CCDC6: variants seen among roughly 807,000 people sequenced by gnomAD.
CCDC6 encodes the protein coiled-coil domain containing 6.
A neutral mutation model predicts 56.6 loss-of-function variants in CCDC6; 20 were observed. That is an observed-to-expected ratio of 0.35 (90% CI 0.25 to 0.51). CCDC6 has a LOEUF of 0.51. CCDC6 is among the 20% of genes least tolerant of loss of function. The probability of loss-of-function intolerance (pLI) is 0.95; values close to 1 mark genes in which losing one functional copy is unlikely to be tolerated. For missense variants in CCDC6, 367 were observed against 601.1 expected (o/e 0.61, Z 4.07); for synonymous variants, 241 against 234.4 (o/e 1.03, Z -0.26).
chr10:59,810,246 T>A (rs974985618), intron 5 of CCDC6, among the ~76,000 whole-genome samples: 3 of 152,180 alleles, frequency 2.0e-5, no homozygotes, highest in African/African-American at 7.2e-5. Flanking sequence ...GAATGGATGA[T>A]GAAAAGTCAC....
chr10:59,817,236 A>G (rs376567109), intron 3 of CCDC6, among the ~76,000 whole-genome samples: 1 of 152,234 alleles, frequency 6.6e-6, no homozygotes, highest in East Asian at 1.9e-4. Flanking sequence ...GCTGGAGTGC[A>G]GTGGCACGAT....
At chr10:59,847,677 T>A (rs947655353) in intron 2 of CCDC6, among the ~76,000 whole-genome samples, 2 of 152,072 alleles carry the variant, frequency 1.3e-5, no homozygotes, top group Non-Finnish European at 2.9e-5. Context: ...TTTCAAGAAA[T>A]AAGATGTTTT....
chr10:59,793,725 A>C lies in CCDC6; in HGVS notation c.1231-614T>G, dbSNP rs559416126. On this transcript the variant is annotated intron_variant, in intron 8 of 8. Transcript: ENST00000263102. ...CTTGAGCTCCGGAGGCGGATGTTGC[A>C]GTGAGCAGACATCATGCTGCTGAAC... Among the ~76,000 whole-genome samples the C allele has an allele frequency of 4.6e-5, 7 of 151,374 alleles. No individual in the cohort carries two copies. In the South Asian group the frequency reaches 1.0e-3, roughly 22 times the overall value.
intron 1 of CCDC6, among the ~76,000 whole-genome samples, chr10:59,866,664 G>A (rs997561761): frequency 7.9e-5 from 12 of 152,128 alleles, no homozygotes; most frequent in Non-Finnish European, 1.8e-4. Context: ...CAAGCAACCT[G>A]CCTGAGGATC....
intron 1 of CCDC6, among the ~76,000 whole-genome samples, chr10:59,853,099 G>C (rs1309894284): frequency 6.7e-6 from 1 of 150,372 alleles, no homozygotes; most frequent in Non-Finnish European, 1.5e-5. Context: ...CTCACAGGTT[G>C]CTACATCTCC....
chr10:59,882,473 CAG>C (rs141813196), intron 1 of CCDC6, among the ~76,000 whole-genome samples: 2,007 of 7,230 alleles, frequency 0.28, 623 homozygotes, highest in East Asian at 0.53. Flanking sequence ...AAAGGAAAGC[CAG>C]GGGGAGAAGG....
Position 59,790,210 on chromosome 10 carries a change from T to A in CCDC6, c.*2707A>T, listed in dbSNP as rs914089871. ...TCTGGCAACAGAGTACTTATCCTAT[T>A]AGCAGCACAGTGGTAGCCAAGGGTC... On this transcript the variant is annotated 3_prime_UTR_variant, in exon 9 of 9. Transcript: ENST00000263102. The A allele has an allele frequency of 4.6e-6, 1 of 216,876 alleles. No individual in the cohort carries two copies. The highest frequency in any genetic ancestry group is 2.3e-5 in the African/African-American group (1 of 44,386). 13.4% of individuals were successfully genotyped at this position (216,876 alleles called of 1,614,324 possible). A position where few individuals can be genotyped will look rare whatever the true frequency, so the allele number is the denominator to read the frequency against.
chr10:59,832,765 C>A (rs1265717003), intron 2 of CCDC6, 112 bp from the exon 3 acceptor site: 24 of 1,163,000 alleles, frequency 2.1e-5, no homozygotes, highest in Non-Finnish European at 2.7e-5. Flanking sequence ...GTTACATTAC[C>A]CATTTTTGCT....
At chr10:59,828,118 G>A (rs1469949772) in intron 3 of CCDC6, among the ~76,000 whole-genome samples, 1 of 152,194 alleles carries the variant, frequency 6.6e-6, no homozygotes, top group Non-Finnish European at 1.5e-5. Flanking sequence ...TTCAGAATAA[G>A]ATTTCTTGAC....
chr10:59,794,945 T>G (rs1406728256), intron 7 of CCDC6, among the ~76,000 whole-genome samples: 1 of 152,104 alleles, frequency 6.6e-6, no homozygotes, highest in Non-Finnish European at 1.5e-5. Flanking sequence ...TCTCTTACAC[T>G]ATATACAAAA....
At chr10:59,874,857 TC>T (rs1159552851) in intron 1 of CCDC6, among the ~76,000 whole-genome samples, 3 of 152,198 alleles carry the variant, frequency 2.0e-5, no homozygotes, top group African/African-American at 7.2e-5. Flanking sequence ...TGGACTCTCC[TC>T]TGGGACTTCC....
chr10:59,836,688 TAA>T (rs1270654458), intron 2 of CCDC6, among the ~76,000 whole-genome samples: 1 of 152,246 alleles, frequency 6.6e-6, no homozygotes, highest in Non-Finnish European at 1.5e-5. Flanking sequence ...ATTTTTTATA[TAA>T]AGTCAATCTC....
In CCDC6 at chr10:59,794,524, G is replaced by A. The variant is rs767350114; in HGVS notation, c.1179C>T (p.Tyr393=). Residue 393 remains tyrosine, a synonymous_variant, in exon 8 of 9, where the codon TAC becomes TAT. Transcript: ENST00000263102. ...TSLTRAGMSY[Y]NSPGLHVQHM... ...GCTGCACGTGAAGACCCGGGGAATTGTAATAAGACATTCCAGCTCTAGTCA... is the reference window on the plus strand; with the variant it reads ...GCTGCACGTGAAGACCCGGGGAATTATAATAAGACATTCCAGCTCTAGTCA... The A allele has an allele frequency of 8.8e-5, 142 of 1,613,954 alleles. 1 individual carries two copies. Among genetic ancestry groups the A allele is most frequent in the Non-Finnish European group, 1.2e-4 (138 of 1,179,900 alleles).
chr10:59,896,302 G>A (rs576578588), intron 1 of CCDC6, among the ~76,000 whole-genome samples: 26 of 152,190 alleles, frequency 1.7e-4, no homozygotes, highest in African/African-American at 6.3e-4. Flanking sequence ...TAAGATATGG[G>A]GGGATGACCC....
chr10:59,793,974 A>G (rs1457496785), intron 8 of CCDC6, among the ~76,000 whole-genome samples: 17 of 152,134 alleles, frequency 1.1e-4, no homozygotes, highest in Admixed American at 1.1e-3. Context: ...TAATGGCTCT[A>G]TTAGTCAACT....
At chr10:59,796,968 C>T (rs1474896925) in intron 7 of CCDC6, among the ~76,000 whole-genome samples, 1 of 93,126 alleles carries the variant, frequency 1.1e-5, no homozygotes, top group East Asian at 2.7e-4. Context: ...CAGATTCCAT[C>T]TCAAAAAAAA....
At chr10:59,851,567 C>T (rs953697643) in intron 2 of CCDC6, among the ~76,000 whole-genome samples, 7 of 152,136 alleles carry the variant, frequency 4.6e-5, no homozygotes, top group Non-Finnish European at 7.4e-5. Flanking sequence ...AAAGTTGCTA[C>T]ATCAGAGTTT....
chr10:59,814,580 C>T lies in CCDC6; in HGVS notation c.686+72G>A, dbSNP rs190723482. 64 of 891,594 alleles carry T rather than the reference C, an allele frequency of 7.2e-5. No individual in the cohort carries two copies. In the East Asian group the frequency reaches 1.5e-3, roughly 21 times the overall value. 55.2% of individuals were successfully genotyped at this position (891,594 alleles called of 1,614,324 possible). A position where few individuals can be genotyped will look rare whatever the true frequency, so the allele number is the denominator to read the frequency against. ...ATTAAGGTGTCCTACTGCTATTCCTCAGTCACACCCAGAGCAGCAACACAC... is the reference window on the plus strand; with the variant it reads ...ATTAAGGTGTCCTACTGCTATTCCTTAGTCACACCCAGAGCAGCAACACAC... On this transcript the variant is annotated intron_variant, in intron 4 of 8. Transcript: ENST00000263102.
intron 1 of CCDC6, among the ~76,000 whole-genome samples, chr10:59,899,356 A>G (rs1167530657): frequency 6.6e-6 from 1 of 152,220 alleles, no homozygotes; most frequent in Non-Finnish European, 1.5e-5. Context: ...GACAGAAAAG[A>G]TTACCATTAT....
Sources: gnomAD v4.1 joint callset for allele counts (sites outside exome capture counted in the v4.1 genomes callset) on GRCh38, gnomAD v4.1.1 for gene constraint, MANE v1.5 for transcripts, NCBI Gene and HGNC (gene_info 2026-07-23, HGNC 2026-07-21) for gene names.